Variants in CENPW observed in about 807,000 individuals in gnomAD.
The protein encoded by CENPW is cancer-up-regulated gene 2 protein.
Under a neutral mutation model 11.1 loss-of-function variants are expected in CENPW, and 3 were observed. The ratio of observed to expected loss-of-function variants is 0.27; its 90% confidence interval spans 0.12 to 0.70. The LOEUF (loss-of-function observed/expected upper bound fraction) is 0.70, where lower values mean the gene tolerates loss of function less well. Ranked by LOEUF, CENPW falls within the 30% of genes least tolerant of loss-of-function variation. CENPW has a pLI of 0.77. For synonymous variants in CENPW, 38 were observed against 42.0 expected (o/e 0.91, Z 0.37); for missense variants, 100 against 105.6 (o/e 0.95, Z 0.23).
the CENPW span, among the ~76,000 whole-genome samples, chr6:126,459,873 A>G: frequency 1.3e-5 from 2 of 151,366 alleles, no homozygotes; most frequent in Non-Finnish European, 3.0e-5. Context: ...TAGTATTAAC[A>G]ACTGTTACAT....
chr6:126,412,906 G>A, the CENPW span, among the ~76,000 whole-genome samples: 1 of 151,996 alleles, frequency 6.6e-6, no homozygotes, highest in Non-Finnish European at 1.5e-5. Flanking sequence ...GGTTTGGGAG[G>A]GAAGCAATTG....
chr6:126,402,013 C>T, the CENPW span, among the ~76,000 whole-genome samples: 1 of 152,050 alleles, frequency 6.6e-6, no homozygotes, highest in Non-Finnish European at 1.5e-5. Flanking sequence ...TTGGCAGCAC[C>T]TATTTTCTTT....
chr6:126,368,666 T>C, the CENPW span, among the ~76,000 whole-genome samples: 1 of 151,192 alleles, frequency 6.6e-6, no homozygotes, highest in East Asian at 1.9e-4. Flanking sequence ...TTTTTTTGAG[T>C]TGGAGTCTCA....
the CENPW span, among the ~76,000 whole-genome samples, chr6:126,431,728 C>T: frequency 0.43 from 65,288 of 151,644 alleles, 16,346 homozygotes; most frequent in East Asian, 0.97. Flanking sequence ...TTGTTTCATG[C>T]CGCAGCAACC....
In CENPW at chr6:126,346,276, A is replaced by G. The variant is rs763367292; in HGVS notation, c.198A>G (p.Lys66=). Residue 66 remains lysine, a synonymous_variant, in exon 2 of 3, where the codon AAA becomes AAG. Transcript: ENST00000368328. The part of the protein sequence containing the change: ...EESRTNACAS[K]CRVINKEHVL... Reference sequence around the variant, plus strand: ...CCAGGACAAACGCTTGTGCGAGTAAATGTAGAGTCATTAACAAGGAGCATG... The same window carrying G: ...CCAGGACAAACGCTTGTGCGAGTAAGTGTAGAGTCATTAACAAGGAGCATG... 1 of 1,608,478 alleles carries G rather than the reference A, an allele frequency of 6.2e-7. No homozygotes were observed. Among genetic ancestry groups the G allele is most frequent in the Non-Finnish European group, 8.5e-7 (1 of 1,175,796 alleles).
At chr6:126,469,842 G>A in the CENPW span, among the ~76,000 whole-genome samples, 1 of 152,210 alleles carries the variant, frequency 6.6e-6, no homozygotes, top group African/African-American at 2.4e-5. Context: ...AGGTGATTTA[G>A]AGTATTTGGT....
the CENPW span, among the ~76,000 whole-genome samples, chr6:126,465,032 A>G: frequency 6.6e-6 from 1 of 152,134 alleles, no homozygotes; most frequent in Non-Finnish European, 1.5e-5. Context: ...CGAGAAAAAG[A>G]AAACAAAAGG....
At chr6:126,388,114 A>G in the CENPW span, among the ~76,000 whole-genome samples, 1 of 152,166 alleles carries the variant, frequency 6.6e-6, no homozygotes, top group East Asian at 1.9e-4. Context: ...AAAGAAATGT[A>G]TAAAGGAAGG....
At chr6:126,350,795 T>C (rs1780482407), downstream of CENPW, among the ~76,000 whole-genome samples, 1 of 152,058 alleles carries the variant, frequency 6.6e-6, no homozygotes, top group South Asian at 2.1e-4. Flanking sequence ...TGTGAAAAAA[T>C]TTAAATCTTA....
the CENPW span, among the ~76,000 whole-genome samples, chr6:126,429,748 T>C: frequency 6.6e-6 from 1 of 152,210 alleles, no homozygotes; most frequent in African/African-American, 2.4e-5. Flanking sequence ...TTTAAAAATA[T>C]ATTTATTAAT....
At chr6:126,390,933 TAGG>T in the CENPW span, among the ~76,000 whole-genome samples, 1 of 151,974 alleles carries the variant, frequency 6.6e-6, no homozygotes, top group Non-Finnish European at 1.5e-5. Flanking sequence ...GCATTTAACA[TAGG>T]AGTGAAGATA....
At chr6:126,342,835 A>G (rs1323044712) in intron 1 of CENPW, among the ~76,000 whole-genome samples, 6 of 152,060 alleles carry the variant, frequency 3.9e-5, no homozygotes, top group Non-Finnish European at 7.3e-5. Context: ...TTAATTTTGG[A>G]AATGCATGAC....
At chr6:126,368,310 G>A in the CENPW span, among the ~76,000 whole-genome samples, 2 of 152,172 alleles carry the variant, frequency 1.3e-5, no homozygotes, top group African/African-American at 2.4e-5. Context: ...ATTGGAGTCT[G>A]GAGAGAGTGA....
chr6:126,357,639 T>C, the CENPW span, among the ~76,000 whole-genome samples: 114,708 of 151,428 alleles, frequency 0.76, 43,957 homozygotes, highest in East Asian at 1. Context: ...GATGGAGTCT[T>C]GCTCTGTCGC....
At chr6:126,371,184 C>A in the CENPW span, among the ~76,000 whole-genome samples, 1 of 152,124 alleles carries the variant, frequency 6.6e-6, no homozygotes, top group Non-Finnish European at 1.5e-5. Context: ...AGGGGACATG[C>A]TTCAACTTTT....
chr6:126,410,427 C>A, the CENPW span, among the ~76,000 whole-genome samples: 169 of 152,108 alleles, frequency 1.1e-3, no homozygotes, highest in Non-Finnish European at 1.9e-3. Context: ...TTTTAGAATT[C>A]TCCCTTTGTG....
the CENPW span, among the ~76,000 whole-genome samples, chr6:126,436,287 A>T: frequency 6.6e-6 from 1 of 151,906 alleles, no homozygotes; most frequent in Non-Finnish European, 1.5e-5. Context: ...GTAATCAAGG[A>T]AATGATAATT....
chr6:126,372,564 C>T, the CENPW span, among the ~76,000 whole-genome samples: 8 of 152,078 alleles, frequency 5.3e-5, no homozygotes, highest in Admixed American at 5.2e-4. Flanking sequence ...ATAGTTAGTA[C>T]ACTTTATTCC....
At chr6:126,360,013 T>G in the CENPW span, among the ~76,000 whole-genome samples, 23 of 152,278 alleles carry the variant, frequency 1.5e-4, no homozygotes, top group Admixed American at 3.9e-4. Flanking sequence ...GTAGGTGCTT[T>G]ATATTGTCTG....
Sources: gnomAD v4.1 joint callset for allele counts (sites outside exome capture counted in the v4.1 genomes callset) on GRCh38, gnomAD v4.1.1 for gene constraint, MANE v1.5 for transcripts, NCBI Gene and HGNC (gene_info 2026-07-23, HGNC 2026-07-21) for gene names.